NCOA2: variants seen among roughly 807,000 people sequenced by gnomAD.
NCOA2 encodes the protein nuclear receptor coactivator 2.
A neutral mutation model predicts 145.1 loss-of-function variants in NCOA2; 21 were observed. The observed-to-expected ratio is 0.14, with a 90% confidence interval of 0.10 to 0.21. The LOEUF is 0.21. Ranked by LOEUF, NCOA2 falls within the 10% of genes least tolerant of loss-of-function variation. The pLI is 1.00. For synonymous variants in NCOA2, 619 were observed against 637.5 expected (o/e 0.97, Z 0.44); for missense variants, 1,472 against 1,837.6 (o/e 0.80, Z 3.64).
At chr8:70,203,121 G>C (rs866918317) in intron 4 of NCOA2, among the ~76,000 whole-genome samples, 8 of 151,972 alleles carry the variant, frequency 5.3e-5, no homozygotes, top group African/African-American at 1.9e-4. Context: ...AAATTAGCTG[G>C]GCATGATGGC....
upstream of NCOA2, among the ~76,000 whole-genome samples, chr8:70,407,651 G>C (rs1814803820): frequency 6.6e-6 from 1 of 151,428 alleles, no homozygotes; most frequent in Non-Finnish European, 1.5e-5. Context: ...AAAAAAATTA[G>C]CTGGGTGTGG....
chr8:70,379,082 C>T (rs1033099485), intron 1 of NCOA2, among the ~76,000 whole-genome samples: 2 of 151,720 alleles, frequency 1.3e-5, no homozygotes, highest in African/African-American at 4.9e-5. Context: ...AGAAGTCTAT[C>T]CCAAGATAAA....
intron 2 of NCOA2, among the ~76,000 whole-genome samples, chr8:70,246,413 T>C (rs1586238028): frequency 6.6e-6 from 1 of 152,140 alleles, no homozygotes; most frequent in Admixed American, 6.6e-5. Context: ...TGAAGAATGC[T>C]GTACACGAGG....
At chr8:70,399,964 G>A (rs1053703995) in intron 1 of NCOA2, among the ~76,000 whole-genome samples, 1 of 152,196 alleles carries the variant, frequency 6.6e-6, no homozygotes, top group African/African-American at 2.4e-5. Context: ...ATAATGGAAG[G>A]ACTGCTCACA....
intron 4 of NCOA2, among the ~76,000 whole-genome samples, chr8:70,176,094 C>T (rs1034353532): frequency 3.9e-5 from 6 of 152,278 alleles, no homozygotes; most frequent in Admixed American, 2.0e-4. Flanking sequence ...TTACCTGTCT[C>T]CCGTATATCA....
At position 70,141,092 on chromosome 8, in the gene NCOA2, C is replaced by T. The variant is rs544674445; in HGVS notation, c.3028+92G>A. 7 of 1,234,374 alleles carry T rather than the reference C, an allele frequency of 5.7e-6. No homozygotes were observed. In the South Asian group the frequency reaches 9.4e-5, roughly 17 times the overall value. The allele number at this position is 1,234,374 out of a possible 1,614,324, so 76.5% of individuals were successfully genotyped here. On this transcript the variant is annotated intron_variant, in intron 14 of 22. Coordinates refer to ENST00000452400, the MANE Select transcript of NCOA2 (RefSeq NM_006540.4). ...CTTCATGGGAGGATTATCTAAAATG[C>T]CCATAAGAAGCATGTCTTGAAAGAA...
At position 70,330,215 on chromosome 8, in the gene NCOA2, T is replaced by TG. The variant is rs1180077396; in HGVS notation, c.-76-33416_-76-33415insC. 6.3e-3 allele frequency among the ~76,000 whole-genome samples: 897 copies of TG among 141,400 alleles called. 3 individuals are homozygous for TG. Among genetic ancestry groups the TG allele is most frequent in the African/African-American group, 0.023 (807 of 35,132 alleles). The allele number at this position is 141,400 out of a possible 152,430, so 92.8% of individuals were successfully genotyped here. On this transcript the variant is annotated intron_variant, in intron 1 of 22. Transcript: ENST00000452400. Reference sequence around the variant, plus strand: ...CAATAAATGATGATGATGATGATGATAATGATGATGATGATGATGATGATC... The same window carrying TG: ...CAATAAATGATGATGATGATGATGATGAATGATGATGATGATGATGATGATC...
intron 4 of NCOA2, among the ~76,000 whole-genome samples, chr8:70,179,586 T>C (rs192070166): frequency 2.3e-4 from 35 of 152,380 alleles, no homozygotes; most frequent in African/African-American, 7.2e-4. Flanking sequence ...TTTATACTTC[T>C]GTAAGTACAG....
At chr8:70,273,760 T>C in intron 2 of NCOA2, 1 of 601,018 alleles carries the variant, frequency 1.7e-6, no homozygotes, top group South Asian at 1.4e-5. Context: ...AAAGCACCAC[T>C]TACTACTGGA....
At chr8:70,117,189 G>A (rs1408445364) in intron 22 of NCOA2, among the ~76,000 whole-genome samples, 1 of 152,232 alleles carries the variant, frequency 6.6e-6, no homozygotes. Context: ...CGCACCACAG[G>A]GCTGGTTGCA....
chr8:70,437,899 T>G, the NCOA2 span, among the ~76,000 whole-genome samples: 1 of 152,210 alleles, frequency 6.6e-6, no homozygotes, highest in Admixed American at 6.5e-5. Context: ...TCCTAATTGA[T>G]AGGATCCCCT....
chr8:70,300,201 T>C (rs1257947377), intron 1 of NCOA2, among the ~76,000 whole-genome samples: 1 of 152,210 alleles, frequency 6.6e-6, no homozygotes, highest in Admixed American at 6.5e-5. Context: ...TAAAACTGAA[T>C]TGTGTCCTAA....
At chr8:70,450,678 C>T in the NCOA2 span, among the ~76,000 whole-genome samples, 2 of 146,642 alleles carry the variant, frequency 1.4e-5, no homozygotes, top group African/African-American at 5.0e-5. Flanking sequence ...TTCCTGGGTT[C>T]AAGTGATTCC....
intron 4 of NCOA2, among the ~76,000 whole-genome samples, chr8:70,202,891 C>A (rs1818038946): frequency 6.6e-6 from 1 of 152,146 alleles, no homozygotes; most frequent in Admixed American, 6.6e-5. Flanking sequence ...CTTGGAAGGA[C>A]CAATGAAAAT....
intron 2 of NCOA2, among the ~76,000 whole-genome samples, chr8:70,281,590 C>T (rs932908157): frequency 1.3e-5 from 2 of 152,128 alleles, no homozygotes; most frequent in Non-Finnish European, 2.9e-5. Flanking sequence ...CATCACCCCC[C>T]ACCTCTTTGT....
intron 1 of NCOA2, among the ~76,000 whole-genome samples, chr8:70,370,633 T>C (rs1023513461): frequency 4.6e-5 from 7 of 152,062 alleles, no homozygotes; most frequent in Non-Finnish European, 8.8e-5. Flanking sequence ...AAAAAAAATC[T>C]AAACCTATGT....
At chr8:70,306,972 C>T (rs1827944117) in intron 1 of NCOA2, among the ~76,000 whole-genome samples, 3 of 152,148 alleles carry the variant, frequency 2.0e-5, no homozygotes, top group Non-Finnish European at 4.4e-5. Context: ...GAATCCAGGT[C>T]GTTCTGAATT....
chr8:70,284,649 G>T (rs138618800), intron 2 of NCOA2, among the ~76,000 whole-genome samples: 2 of 152,206 alleles, frequency 1.3e-5, no homozygotes, highest in East Asian at 1.9e-4. Context: ...CATTCTTAAG[G>T]GATGGTATAT....
intron 1 of NCOA2, among the ~76,000 whole-genome samples, chr8:70,311,330 A>G (rs537732855): frequency 1.7e-3 from 256 of 152,328 alleles, no homozygotes; most frequent in Non-Finnish European, 2.1e-3. Context: ...CGCACAGATG[A>G]CAATGAAGCA....
Sources: gnomAD v4.1 joint callset for allele counts (sites outside exome capture counted in the v4.1 genomes callset) on GRCh38, gnomAD v4.1.1 for gene constraint, MANE v1.5 for transcripts, NCBI Gene and HGNC (gene_info 2026-07-23, HGNC 2026-07-21) for gene names.